ABLIM2: variants seen among roughly 807,000 people sequenced by gnomAD.
ABLIM2 encodes the protein actin-binding LIM protein 2.
Under a neutral mutation model 97.7 loss-of-function variants are expected in ABLIM2, and 53 were observed. That is an observed-to-expected ratio of 0.54 (90% confidence interval 0.44 to 0.68). The LOEUF (loss-of-function observed/expected upper bound fraction) is 0.68. Ranked by LOEUF, ABLIM2 falls within the 30% of genes least tolerant of loss-of-function variation. The probability of loss-of-function intolerance (pLI) is 0.00; values close to 1 mark genes in which losing one functional copy is unlikely to be tolerated. For synonymous variants in ABLIM2, 361 were observed against 345.8 expected, an observed-to-expected ratio of 1.04 and a Z score of -0.49; for missense variants, 835 against 867.2, an observed-to-expected ratio of 0.96 and a Z score of 0.47.
chr4:8,053,340 G>A (rs1797180778), intron 8 of ABLIM2, among the ~76,000 whole-genome samples: 2 of 152,166 alleles, frequency 1.3e-5, no homozygotes, highest in South Asian at 4.1e-4. Context: ...TGCATATGTT[G>A]ATTGATGTCT....
At chr4:8,117,598 T>C (rs1027581097) in intron 1 of ABLIM2, among the ~76,000 whole-genome samples, 2 of 151,590 alleles carry the variant, frequency 1.3e-5, no homozygotes, top group Non-Finnish European at 3.0e-5. Context: ...GTGCCACCAC[T>C]GCAGCCTTCC....
At position 8,015,692 on chromosome 4, in the gene ABLIM2, G is replaced by C. The variant is rs539515452; in HGVS notation, c.1423+3926C>G. Among the ~76,000 whole-genome samples, 4 of 152,286 alleles carry C rather than the reference G, an allele frequency of 2.6e-5. No individual in the cohort carries two copies. The highest frequency in any genetic ancestry group is 9.6e-5 in the African/African-American group (4 of 41,554). ...CCCCCACCTGCCGGACAAGTGGTGG[G>C]AGGTGTGTGTTGGGGGGTGAGGAGA... On this transcript the variant is annotated intron_variant, in intron 14 of 20. Coordinates refer to ENST00000447017, the MANE Select transcript of ABLIM2 (RefSeq NM_001130083.2). The surrounding 1 kb of genome is among the most constrained non-coding windows in gnomAD (Gnocchi z 4.6).
chr4:8,041,452 G>A (rs1260147775), intron 9 of ABLIM2: 1 of 152,206 alleles, frequency 6.6e-6, no homozygotes, highest in Non-Finnish European at 1.5e-5. Context: ...TCGGAGTCAC[G>A]GAGACCTGTG....
Position 7,998,902 on chromosome 4 carries a change from T to A in ABLIM2, c.1619-5975A>T, listed in dbSNP as rs1382852169. Among the ~76,000 whole-genome samples, 1 of 152,126 alleles carries A rather than the reference T, an allele frequency of 6.6e-6. No individual in the cohort carries two copies. Among genetic ancestry groups the A allele is most frequent in the East Asian group, 1.9e-4 (1 of 5,194 alleles). ...CGTATCATTTGCAGGTCCGTTTAGC[T>A]GTATGTAGCAGAGAAGAGCAGAGAG... On this transcript the variant is annotated intron_variant, in intron 16 of 20. Coordinates refer to ENST00000447017, the MANE Select transcript of ABLIM2 (RefSeq NM_001130083.2). The surrounding 1 kb of genome is among the most constrained non-coding windows in gnomAD (Gnocchi z 6.4).
intron 14 of ABLIM2, chr4:8,010,649 G>A: frequency 1.1e-6 from 1 of 919,334 alleles, no homozygotes. Context: ...CTTCTTCCAG[G>A]AGAGACAGTG....
At chr4:8,105,844 C>T (rs1186889020) in intron 2 of ABLIM2, among the ~76,000 whole-genome samples, 1 of 152,204 alleles carries the variant, frequency 6.6e-6, no homozygotes, top group Non-Finnish European at 1.5e-5. Flanking sequence ...AGGGCACATG[C>T]GTTATCTTTG....
At chr4:7,969,769 A>ACACACACACACACACACACACACACACAC in intron 20 of ABLIM2, among the ~76,000 whole-genome samples, 3 of 140,244 alleles carry the variant, frequency 2.1e-5, no homozygotes, top group East Asian at 2.1e-4. Context: ...ACACACACAC[A>ACACACACACACACACACACACACACACAC]GCCTATCCAG....
chr4:8,150,954 G>T lies in ABLIM2; in HGVS notation c.10+7726C>A, dbSNP rs1478865417. Among the ~76,000 whole-genome samples the T allele has an allele frequency of 4.6e-5, 7 of 152,188 alleles. No homozygotes were observed. Among genetic ancestry groups the T allele is most frequent in the Non-Finnish European group, 1.5e-5 (1 of 68,032 alleles). On this transcript the variant is annotated intron_variant, in intron 1 of 20. Transcript: ENST00000447017. The surrounding 1 kb of genome is among the most constrained non-coding windows in gnomAD (Gnocchi z 6.3). ...CCCTGAGCTGTGAAGGGTATTTACA[G>T]CTGTGACAAAGGCCATTCTGCCCGT... is the stretch of plus-strand genomic sequence containing the variant.
intron 1 of ABLIM2, among the ~76,000 whole-genome samples, chr4:8,141,078 T>A (rs1181147902): frequency 1.3e-5 from 2 of 152,068 alleles, no homozygotes; most frequent in Non-Finnish European, 2.9e-5. Flanking sequence ...ATTCTCGCCA[T>A]CCTGCAAGTC....
rs1054399950 is a variant in ABLIM2 at position 8,085,262 on chromosome 4, C to A, written c.454+2907G>T. Among the ~76,000 whole-genome samples, 1 of 152,134 alleles carries A rather than the reference C, an allele frequency of 6.6e-6. No individual in the cohort carries two copies. The highest frequency in any genetic ancestry group is 1.9e-4 in the East Asian group (1 of 5,178). On this transcript the variant is annotated intron_variant, in intron 4 of 20. Coordinates refer to ENST00000447017, the MANE Select transcript of ABLIM2 (RefSeq NM_001130083.2). This position sits in a 1 kb window ranked among gnomAD's most constrained non-coding sequence, Gnocchi z 6.1. ...TGTGAGGCCCCACCCTGCTGCCCCC[C>A]GGCCCAGCAAGCTGGCCAGGCAGAC...
chr4:8,045,029 A>G (rs191644713), intron 9 of ABLIM2, 135 bp downstream of exon 9: 2 of 761,784 alleles, frequency 2.6e-6, no homozygotes, highest in Non-Finnish European at 4.5e-6. Flanking sequence ...CAGGGACAAG[A>G]GCAATGGCCG....
In ABLIM2 at chr4:8,022,196, G is replaced by C. The variant is rs1212848945; in HGVS notation, c.1268-1893C>G. 1.3e-5 allele frequency among the ~76,000 whole-genome samples: 2 copies of C among 152,202 alleles called. No individual in the cohort carries two copies. Among genetic ancestry groups the C allele is most frequent in the Non-Finnish European group, 2.9e-5 (2 of 68,036 alleles). On this transcript the variant is annotated intron_variant, in intron 12 of 20. Transcript: ENST00000447017. The surrounding 1 kb of genome is among the most constrained non-coding windows in gnomAD (Gnocchi z 7.8). ...TTCAGGCACCATCTCTAAGCTGTGT[G>C]TGCTCTTGGCACAGCTCGTGGACCT...
rs1825189200 is a variant in ABLIM2, at chr4:8,088,340, G to A, written c.339-56C>T. 2.8e-6 allele frequency: 4 copies of A among 1,453,618 alleles called. No homozygotes were observed. In the South Asian group the frequency reaches 3.6e-5, roughly 13 times the overall value. The allele number at this position is 1,453,618 out of a possible 1,614,324, so 90.0% of individuals were successfully genotyped here. On this transcript the variant is annotated intron_variant, in intron 3 of 20. Coordinates refer to ENST00000447017, the MANE Select transcript of ABLIM2 (RefSeq NM_001130083.2). ...CCCACCTTCTGGCTCCTCTCTGGGG[G>A]AGCCCTGTCCCAGTGCAGGAGACCA...
rs1343532184 is a variant in ABLIM2 at position 8,001,823 on chromosome 4, G to A, written c.1618+6236C>T. Among the ~76,000 whole-genome samples the A allele has an allele frequency of 1.3e-5, 2 of 152,092 alleles. No individual in the cohort carries two copies. The highest frequency in any genetic ancestry group is 4.8e-5 in the African/African-American group (2 of 41,414). ...ACTTCCCTGGCCCACTTCCTCTCCT[G>A]GCTTTCTCCCTCCTGGGCGCTCCTC... On this transcript the variant is annotated intron_variant, in intron 16 of 20. Coordinates refer to ENST00000447017, the MANE Select transcript of ABLIM2 (RefSeq NM_001130083.2). This position sits in a 1 kb window ranked among gnomAD's most constrained non-coding sequence, Gnocchi z 4.2.
rs7693070 is a variant in ABLIM2 at position 8,054,969 on chromosome 4, C to A, written c.764-723G>T. ...CTACCATCAACATAACAAGGCCACC[C>A]GGCACCAAGTGCCCCCAGCATCCCT... is the stretch of plus-strand genomic sequence containing the variant. On this transcript the variant is annotated intron_variant, in intron 7 of 20. Coordinates refer to ENST00000447017, the MANE Select transcript of ABLIM2 (RefSeq NM_001130083.2). The surrounding 1 kb of genome is among the most constrained non-coding windows in gnomAD (Gnocchi z 4.9). Among the ~76,000 whole-genome samples, 2 of 151,810 alleles carry A rather than the reference C, an allele frequency of 1.3e-5. No individual in the cohort carries two copies. Among genetic ancestry groups the A allele is most frequent in the Non-Finnish European group, 2.9e-5 (2 of 67,972 alleles).
intron 10 of ABLIM2, 23 bp from the exon 11 acceptor site, chr4:8,029,799 T>A: frequency 6.4e-7 from 1 of 1,563,050 alleles, no homozygotes. Context: ...ATGCAGCTTG[T>A]GAACACTGGA....
chr4:8,039,238 G>T (rs1786522197), intron 9 of ABLIM2, among the ~76,000 whole-genome samples: 2 of 152,162 alleles, frequency 1.3e-5, no homozygotes, highest in Non-Finnish European at 2.9e-5. Flanking sequence ...GGCGGGGTGT[G>T]TTTTGCATCC....
At chr4:8,027,256 G>C (rs1012107548) in intron 12 of ABLIM2, among the ~76,000 whole-genome samples, 2 of 152,210 alleles carry the variant, frequency 1.3e-5, no homozygotes, top group South Asian at 4.1e-4. Flanking sequence ...TGCCCGTGCA[G>C]GGATGTGGAT....
chr4:7,994,614 A>ACCTCACCTT (rs1751775036), intron 16 of ABLIM2, among the ~76,000 whole-genome samples: 1 of 82,484 alleles, frequency 1.2e-5, no homozygotes, highest in African/African-American at 3.6e-5. Context: ...GTATATACCC[A>ACCTCACCTT]GTAATGGGAT....
Sources: allele counts gnomAD v4.1 joint callset (sites outside exome capture counted in the v4.1 genomes callset), GRCh38; gene constraint gnomAD v4.1.1; non-coding constraint Gnocchi (gnomAD v3.1); transcripts MANE v1.5; gene names NCBI Gene and HGNC (gene_info 2026-07-23, HGNC 2026-07-21).